Variants in GABRB1 observed in about 807,000 individuals in gnomAD.
GABRB1 encodes the protein gamma-aminobutyric acid type A receptor subunit beta1.
In GABRB1, 17 loss-of-function variants were observed where a neutral mutation model predicts 51.6. The ratio of observed to expected loss-of-function variants is 0.33; its 90% confidence interval spans 0.23 to 0.49. The LOEUF is 0.49. Ranked by LOEUF, GABRB1 falls within the 20% of genes least tolerant of loss-of-function variation. The pLI is 0.99. For missense variants in GABRB1, 410 were observed against 600.6 expected (o/e 0.68, Z 3.32); for synonymous variants, 247 against 218.9 (o/e 1.13, Z -1.14).
At chr4:47,218,580 G>C (rs981797659) in intron 4 of GABRB1, among the ~76,000 whole-genome samples, 9 of 151,808 alleles carry the variant, frequency 5.9e-5, no homozygotes, top group African/African-American at 2.2e-4. Flanking sequence ...TTTCTCTGAT[G>C]ATTATTAATG....
At chr4:47,149,165 A>G (rs1717315276) in intron 3 of GABRB1, among the ~76,000 whole-genome samples, 1 of 152,054 alleles carries the variant, frequency 6.6e-6, no homozygotes, top group Non-Finnish European at 1.5e-5. Flanking sequence ...ACATAGGGAA[A>G]GCACCCGGTA....
chr4:47,136,628 G>C (rs1180369724), intron 3 of GABRB1, among the ~76,000 whole-genome samples: 1 of 151,862 alleles, frequency 6.6e-6, no homozygotes, highest in African/African-American at 2.4e-5. Context: ...CAAACTCTAG[G>C]GAAATAAAAA....
intron 5 of GABRB1, among the ~76,000 whole-genome samples, chr4:47,328,833 G>A (rs554979274): frequency 2.0e-5 from 3 of 151,536 alleles, no homozygotes; most frequent in Admixed American, 6.6e-5. Flanking sequence ...CGAGTTACCA[G>A]GTGCAGCACA....
rs577832386 is a variant in GABRB1 at position 47,112,766 on chromosome 4, T to A, written c.241-48483T>A. Among the ~76,000 whole-genome samples the A allele has an allele frequency of 6.0e-3, 886 of 148,370 alleles. 4 individuals carry two copies. Among genetic ancestry groups the A allele is most frequent in the South Asian group, 0.017 (81 of 4,660 alleles). On this transcript the variant is annotated intron_variant, in intron 3 of 8. Coordinates refer to ENST00000295454, the MANE Select transcript of GABRB1 (RefSeq NM_000812.4). Reference sequence around the variant, plus strand: ...AGCACAGTGAAATAAAAAAAAAAAATCCTGCCTTGTGGAGCTTATATTCTT... The same window carrying A: ...AGCACAGTGAAATAAAAAAAAAAAAACCTGCCTTGTGGAGCTTATATTCTT...
chr4:47,249,892 T>C (rs1456145691), intron 4 of GABRB1, among the ~76,000 whole-genome samples: 1 of 152,210 alleles, frequency 6.6e-6, no homozygotes, highest in African/African-American at 2.4e-5. Context: ...TGTGGTTCTG[T>C]ATTTTTTATG....
intron 4 of GABRB1, among the ~76,000 whole-genome samples, chr4:47,238,348 G>A (rs1278130628): frequency 6.6e-6 from 1 of 151,920 alleles, no homozygotes; most frequent in African/African-American, 2.4e-5. Context: ...CACAAATGGA[G>A]GAACACAAAA....
chr4:47,081,998 C>T (rs1727867709), intron 3 of GABRB1, among the ~76,000 whole-genome samples: 1 of 151,830 alleles, frequency 6.6e-6, no homozygotes, highest in African/African-American at 2.4e-5. Flanking sequence ...GCTTATTTCA[C>T]AAAATTATTA....
chr4:47,294,885 G>T lies in GABRB1; in HGVS notation c.462-25242G>T, dbSNP rs185179789. Reference sequence around the variant, plus strand: ...GTAGGGGCAGACTGACACCTCACACGGCCGGGTACTCCTCTGAGACAAAAC... The same window carrying T: ...GTAGGGGCAGACTGACACCTCACACTGCCGGGTACTCCTCTGAGACAAAAC... On this transcript the variant is annotated intron_variant, in intron 4 of 8. Coordinates refer to ENST00000295454, the MANE Select transcript of GABRB1 (RefSeq NM_000812.4). 8.3e-3 allele frequency among the ~76,000 whole-genome samples: 1,270 copies of T among 152,238 alleles called. 22 individuals carry two copies. The highest frequency in any genetic ancestry group is 0.029 in the African/African-American group (1,201 of 41,538).
intron 4 of GABRB1, among the ~76,000 whole-genome samples, chr4:47,314,073 A>G (rs1336443401): frequency 6.6e-6 from 1 of 152,026 alleles, no homozygotes; most frequent in Non-Finnish European, 1.5e-5. Flanking sequence ...AGTTGTGATG[A>G]TTACTCAATT....
At chr4:47,153,914 C>G (rs1051791387) in intron 3 of GABRB1, among the ~76,000 whole-genome samples, 4 of 151,938 alleles carry the variant, frequency 2.6e-5, no homozygotes, top group African/African-American at 9.7e-5. Context: ...TAAATAAGAA[C>G]ATGGACTTTA....
intron 4 of GABRB1, among the ~76,000 whole-genome samples, chr4:47,202,028 A>T (rs1719917994): frequency 6.6e-6 from 1 of 152,096 alleles, no homozygotes; most frequent in Non-Finnish European, 1.5e-5. Flanking sequence ...CATCACCCTA[A>T]CTTAAAACTA....
chr4:47,218,468 C>A (rs1018605796), intron 4 of GABRB1, among the ~76,000 whole-genome samples: 1 of 151,816 alleles, frequency 6.6e-6, no homozygotes, highest in African/African-American at 2.4e-5. Context: ...CATGAGTTCC[C>A]TTTTCCCTGC....
At chr4:47,364,468 G>A (rs1251056430) in intron 5 of GABRB1, among the ~76,000 whole-genome samples, 1 of 151,680 alleles carries the variant, frequency 6.6e-6, no homozygotes, top group East Asian at 1.9e-4. Context: ...AGACAGAGAA[G>A]GGAGTTGAGG....
At chr4:47,082,848 C>T (rs1484160148) in intron 3 of GABRB1, among the ~76,000 whole-genome samples, 3 of 152,058 alleles carry the variant, frequency 2.0e-5, no homozygotes, top group African/African-American at 7.2e-5. Context: ...TTCCTTATCA[C>T]AATGTTCTGT....
intron 5 of GABRB1, among the ~76,000 whole-genome samples, chr4:47,361,159 T>C (rs899368682): frequency 6.6e-6 from 1 of 152,116 alleles, no homozygotes; most frequent in African/African-American, 2.4e-5. Flanking sequence ...GTGCATCGCA[T>C]GGTTCTTTGT....
chr4:47,032,851 C>G (rs909797880), intron 3 of GABRB1: 2 of 421,442 alleles, frequency 4.7e-6, no homozygotes, highest in East Asian at 6.4e-5. Context: ...GTCCCCGGAC[C>G]GGTGGTCGGC....
intron 4 of GABRB1, among the ~76,000 whole-genome samples, chr4:47,163,451 T>A (rs999405448): frequency 6.6e-6 from 1 of 151,992 alleles, no homozygotes; most frequent in East Asian, 1.9e-4. Flanking sequence ...ACTCACTATT[T>A]TGGCCCTGAG....
chr4:47,103,976 T>C (rs2109613003), intron 3 of GABRB1, among the ~76,000 whole-genome samples: 1 of 151,988 alleles, frequency 6.6e-6, no homozygotes, highest in Admixed American at 6.6e-5. Context: ...TTTTCTTTTA[T>C]TTATGCCCTT....
chr4:47,280,357 C>A (rs1017296237), intron 4 of GABRB1, among the ~76,000 whole-genome samples: 1 of 151,686 alleles, frequency 6.6e-6, no homozygotes, highest in Non-Finnish European at 1.5e-5. Context: ...CACATTACTG[C>A]AGCTATAGTT....
Sources: gnomAD v4.1 joint callset for allele counts (sites outside exome capture counted in the v4.1 genomes callset) on GRCh38, gnomAD v4.1.1 for gene constraint, MANE v1.5 for transcripts, NCBI Gene and HGNC (gene_info 2026-07-23, HGNC 2026-07-21) for gene names.